The following NKAIN3 variants were observed in gnomAD, a reference collection of about 807,000 sequenced individuals.
The protein encoded by NKAIN3 is sodium/potassium transporting ATPase interacting 3, also known as sodium/potassium-transporting ATPase subunit beta-1-interacting protein 3.
In NKAIN3, 25 loss-of-function variants were observed where a neutral mutation model predicts 30.2. The ratio of observed to expected loss-of-function variants is 0.83; its 90% CI spans 0.60 to 1.16. The LOEUF (loss-of-function observed/expected upper bound fraction) is 1.16. NKAIN3 is among the 50% of genes most tolerant of loss of function. The pLI is 0.00. For synonymous variants in NKAIN3, 91 were observed against 89.6 expected, an observed-to-expected ratio of 1.02 and a Z score of -0.09; for missense variants, 225 against 254.1, an observed-to-expected ratio of 0.89 and a Z score of 0.78.
chr8:62,529,523 A>T (rs1808422020), intron 1 of NKAIN3, among the ~76,000 whole-genome samples: 1 of 152,048 alleles, frequency 6.6e-6, no homozygotes, highest in Admixed American at 6.6e-5. Context: ...AGTGCCTTGT[A>T]AAAGATATCC....
chr8:62,818,669 T>C (rs1009280877), intron 4 of NKAIN3, among the ~76,000 whole-genome samples: 8 of 152,124 alleles, frequency 5.3e-5, no homozygotes, highest in Non-Finnish European at 8.8e-5. Context: ...TCCAAGGTTC[T>C]TCTAATCTAT....
intron 3 of NKAIN3, among the ~76,000 whole-genome samples, chr8:62,737,596 A>G (rs1428010343): frequency 6.6e-6 from 1 of 152,162 alleles, no homozygotes; most frequent in Non-Finnish European, 1.5e-5. Flanking sequence ...CTTCAAGAAA[A>G]TGCTTCAGGA....
At chr8:62,589,989 A>G (rs1810604319) in intron 3 of NKAIN3, among the ~76,000 whole-genome samples, 195 bp downstream of exon 3, 1 of 150,970 alleles carries the variant, frequency 6.6e-6, no homozygotes, top group African/African-American at 2.4e-5. Context: ...GGAGTGTGTT[A>G]ATATCATGGA....
intron 1 of NKAIN3, among the ~76,000 whole-genome samples, chr8:62,315,018 A>G (rs1814567020): frequency 1.3e-5 from 2 of 152,150 alleles, no homozygotes; most frequent in African/African-American, 2.4e-5. Context: ...TACTGGGGAT[A>G]TAATAGCCTG....
intron 1 of NKAIN3, among the ~76,000 whole-genome samples, chr8:62,497,594 G>A (rs1272999928): frequency 1.3e-5 from 2 of 152,028 alleles, no homozygotes; most frequent in African/African-American, 4.8e-5. Flanking sequence ...TTTCAATGGA[G>A]ACACACCAGA....
At chr8:62,548,229 A>G (rs1414685871) in intron 1 of NKAIN3, among the ~76,000 whole-genome samples, 6 of 152,222 alleles carry the variant, frequency 3.9e-5, no homozygotes, top group Admixed American at 3.9e-4. Context: ...TCAACTAGCT[A>G]GAGTTGAACT....
At chr8:62,759,826 AG>A (rs1242900614) in intron 4 of NKAIN3, among the ~76,000 whole-genome samples, 1 of 152,236 alleles carries the variant, frequency 6.6e-6, no homozygotes, top group Admixed American at 6.5e-5. Flanking sequence ...CAGAGTGAAC[AG>A]GCAACCTACA....
chr8:62,404,059 T>C (rs1396538773), intron 1 of NKAIN3, among the ~76,000 whole-genome samples: 8 of 152,228 alleles, frequency 5.3e-5, no homozygotes, highest in African/African-American at 1.7e-4. Flanking sequence ...TAAGGTTTAA[T>C]GACTGTACTG....
intron 1 of NKAIN3, among the ~76,000 whole-genome samples, chr8:62,549,129 G>A (rs996773908): frequency 1.1e-4 from 16 of 152,094 alleles, no homozygotes; most frequent in Admixed American, 3.3e-4. Flanking sequence ...TCCTTTTACT[G>A]TGAACGCTAT....
intron 1 of NKAIN3, among the ~76,000 whole-genome samples, chr8:62,495,770 A>G (rs928685605): frequency 1.3e-5 from 2 of 152,078 alleles, no homozygotes; most frequent in African/African-American, 4.8e-5. Flanking sequence ...CAACTTTCTG[A>G]ACTGAGTCCT....
chr8:62,622,483 A>G lies in NKAIN3; in HGVS notation c.273+32689A>G, dbSNP rs150820547. On this transcript the variant is annotated intron_variant, in intron 3 of 6. Coordinates refer to ENST00000623646, the MANE Select transcript of NKAIN3 (RefSeq NM_001304533.3). ...CTATTATTATTTTAGCTGTTCTAAT[A>G]GGTGTGTAGTGATATTTCATTGTGG... Among the ~76,000 whole-genome samples the G allele has an allele frequency of 3.4e-3, 521 of 152,144 alleles. 3 individuals are homozygous for G. The highest frequency in any genetic ancestry group is 0.012 in the African/African-American group (483 of 41,560).
intron 3 of NKAIN3, among the ~76,000 whole-genome samples, chr8:62,666,807 G>T (rs1407046931): frequency 1.1e-4 from 16 of 151,986 alleles, no homozygotes; most frequent in Non-Finnish European, 2.9e-5. Flanking sequence ...AATTGTTCCA[G>T]CTCCTTACCA....
In NKAIN3 at chr8:62,292,513, A is replaced by G. The variant is rs1460910828; in HGVS notation, c.54+43386A>G. ...CTTATGAAGCTTAGTTTGGCTGGAT[A>G]TGAAATTCTGGGTTGAAAATTCTTT... On this transcript the variant is annotated intron_variant, in intron 1 of 6. Transcript: ENST00000623646. 3.3e-5 allele frequency among the ~76,000 whole-genome samples: 5 copies of G among 152,318 alleles called. No individual in the cohort carries two copies. In the East Asian group the frequency reaches 7.7e-4, roughly 24 times the overall value.
At chr8:62,275,754 A>G (rs560029878) in intron 1 of NKAIN3, among the ~76,000 whole-genome samples, 2 of 152,340 alleles carry the variant, frequency 1.3e-5, no homozygotes, top group South Asian at 4.1e-4. Context: ...TTATCAGCAA[A>G]TTATTTGCAT....
chr8:62,615,935 A>G (rs961293905), intron 3 of NKAIN3, among the ~76,000 whole-genome samples: 13 of 151,898 alleles, frequency 8.6e-5, no homozygotes, highest in African/African-American at 3.1e-4. Flanking sequence ...AGGTGCTATG[A>G]TTGCTCGCCT....
chr8:62,812,602 GA>G (rs1818524633), intron 4 of NKAIN3, among the ~76,000 whole-genome samples: 1 of 151,546 alleles, frequency 6.6e-6, no homozygotes, highest in African/African-American at 2.4e-5. Context: ...TTAGTTCTAG[GA>G]GAGTTTTTTT....
rs542963150 is a variant in NKAIN3, at chr8:62,680,964, C to A, written c.274-65968C>A. On this transcript the variant is annotated intron_variant, in intron 3 of 6. Coordinates refer to ENST00000623646, the MANE Select transcript of NKAIN3 (RefSeq NM_001304533.3). The stretch of plus-strand genomic sequence containing the variant: ...ATATTTTTGAGATTTCCTTCCTATA[C>A]TTTTATGAGACAGTAGCAACTGAAC... Among the ~76,000 whole-genome samples, 22 of 152,212 alleles carry A rather than the reference C, an allele frequency of 1.4e-4. 1 individual carries two copies. Among genetic ancestry groups the A allele is most frequent in the African/African-American group, 5.3e-4 (22 of 41,546 alleles).
rs1455569 is a variant in NKAIN3, at chr8:62,967,098, C to T, written c.*1691C>T. On this transcript the variant is annotated 3_prime_UTR_variant, in exon 7 of 7. Transcript: ENST00000623646. ...TTACTTTTTTTTCTGCTTAATAAAT[C>T]CAAATTCAAATAAAGAAAAGCTGGC... is the stretch of plus-strand genomic sequence containing the variant. 0.033 allele frequency among the ~76,000 whole-genome samples: 4,985 copies of T among 152,194 alleles called. 122 individuals carry two copies. Among genetic ancestry groups the T allele is most frequent in the Non-Finnish European group, 0.051 (3,475 of 68,018 alleles).
chr8:62,598,386 A>G (rs567955782), intron 3 of NKAIN3, among the ~76,000 whole-genome samples: 1 of 152,070 alleles, frequency 6.6e-6, no homozygotes, highest in East Asian at 1.9e-4. Flanking sequence ...CTCCATGTTG[A>G]TTATTACTCA....
Sources: gnomAD v4.1 joint callset for allele counts (sites outside exome capture counted in the v4.1 genomes callset) on GRCh38, gnomAD v4.1.1 for gene constraint, MANE v1.5 for transcripts, NCBI Gene and HGNC (gene_info 2026-07-23, HGNC 2026-07-21) for gene names.